KCTD8: variants seen among roughly 807,000 people sequenced by gnomAD.
KCTD8 encodes BTB/POZ domain-containing protein KCTD8.
A neutral mutation model predicts 31.5 loss-of-function variants in KCTD8; 27 were observed. That is an observed-to-expected ratio of 0.86 (90% CI 0.63 to 1.18). The LOEUF (loss-of-function observed/expected upper bound fraction) is 1.18. KCTD8 is among the 50% of genes most tolerant of loss of function. KCTD8 has a pLI of 0.00. For synonymous variants in KCTD8, 290 were observed against 280.0 expected, an observed-to-expected ratio of 1.04 and a Z score of -0.36; for missense variants, 658 against 647.7, an observed-to-expected ratio of 1.02 and a Z score of -0.17.
chr4:44,186,919 G>A (rs977387796), intron 1 of KCTD8, among the ~76,000 whole-genome samples: 3 of 152,160 alleles, frequency 2.0e-5, no homozygotes, highest in Non-Finnish European at 4.4e-5. Flanking sequence ...TATTCCTAGA[G>A]AAGTTTCTTT....
At chr4:44,332,450 A>T (rs940874819) in intron 1 of KCTD8, among the ~76,000 whole-genome samples, 2 of 151,968 alleles carry the variant, frequency 1.3e-5, no homozygotes, top group African/African-American at 4.8e-5. Context: ...TACAAATTTC[A>T]GTCTTTACAC....
At chr4:44,382,724 C>A (rs1720102842) in intron 1 of KCTD8, among the ~76,000 whole-genome samples, 1 of 124,158 alleles carries the variant, frequency 8.1e-6, no homozygotes. Context: ...GAGTGAAACT[C>A]CATTTCAAAA....
chr4:44,285,735 C>G (rs943864653), intron 1 of KCTD8, among the ~76,000 whole-genome samples: 1 of 151,920 alleles, frequency 6.6e-6, no homozygotes, highest in Non-Finnish European at 1.5e-5. Flanking sequence ...ATTCTGTAGC[C>G]CATAGATCAA....
rs1289055876 is a variant in KCTD8 at position 44,331,807 on chromosome 4, T to C, written c.961+115756A>G. 3.3e-5 allele frequency among the ~76,000 whole-genome samples: 5 copies of C among 149,466 alleles called. No homozygotes were observed. The South Asian group carries it at 6.3e-4, about 19-fold the overall frequency. ...ATCCACATCTCTCTCTGTGTGTATA[T>C]ATATATAAATTCATATATATGAAAA... On this transcript the variant is annotated intron_variant, in intron 1 of 1. Coordinates refer to ENST00000360029, the MANE Select transcript of KCTD8 (RefSeq NM_198353.3).
At chr4:44,249,419 T>C (rs1490752065) in intron 1 of KCTD8, among the ~76,000 whole-genome samples, 2 of 151,824 alleles carry the variant, frequency 1.3e-5, no homozygotes. Flanking sequence ...GAAAAGTACA[T>C]ATTGTACTCT....
At chr4:44,446,653 C>G (rs1430667259) in intron 1 of KCTD8, among the ~76,000 whole-genome samples, 1 of 152,184 alleles carries the variant, frequency 6.6e-6, no homozygotes, top group Non-Finnish European at 1.5e-5. Context: ...TTTCCCAAAT[C>G]TATTCCTTCA....
intron 1 of KCTD8, among the ~76,000 whole-genome samples, chr4:44,266,797 A>C (rs1448006001): frequency 1.3e-5 from 2 of 152,188 alleles, no homozygotes; most frequent in African/African-American, 4.8e-5. Context: ...GAGACAAAGA[A>C]GGCCATTACA....
At position 44,241,887 on chromosome 4, in the gene KCTD8, C is replaced by A. The variant is rs983911487; in HGVS notation, c.962-66637G>T. Among the ~76,000 whole-genome samples, 12 of 152,210 alleles carry A rather than the reference C, an allele frequency of 7.9e-5. 1 individual carries two copies. Among genetic ancestry groups the A allele is most frequent in the Admixed American group, 2.0e-4 (3 of 15,278 alleles). On this transcript the variant is annotated intron_variant, in intron 1 of 1. Transcript: ENST00000360029. The stretch of plus-strand genomic sequence containing the variant: ...GGAATGGACACAAAATACCTGCCTG[C>A]TCTTTATTGCTATAATAATAAATAT...
Position 44,442,774 on chromosome 4 carries a change from T to TACACACGTATACACACACACAC in KCTD8, c.961+4788_961+4789insGTGTGTGTGTGTATACGTGTGT, listed in dbSNP as rs10938342. On this transcript the variant is annotated intron_variant, in intron 1 of 1. Transcript: ENST00000360029. ...AAGAGGCTTTTTCTTAACTAAGGTA[T>TACACACGTATACACACACACAC]ACACACACACACACACACACACACA... 4.7e-3 allele frequency among the ~76,000 whole-genome samples: 695 copies of TACACACGTATACACACACACAC among 147,330 alleles called. 7 individuals are homozygous for TACACACGTATACACACACACAC. Among genetic ancestry groups the TACACACGTATACACACACACAC allele is most frequent in the African/African-American group, 0.016 (635 of 39,788 alleles).
chr4:44,348,508 CTGTTTT>C (rs1450822627), intron 1 of KCTD8, among the ~76,000 whole-genome samples: 1 of 152,104 alleles, frequency 6.6e-6, no homozygotes. Flanking sequence ...CCTTCAGTTT[CTGTTTT>C]TTTGATCAAT....
rs533148038 is a variant in KCTD8 at position 44,417,876 on chromosome 4, A to G, written c.961+29687T>C. ...TTTTTCATGAAACTACACAAGTCTC[A>G]TGAACTACCAACATAATCTCACTGA... On this transcript the variant is annotated intron_variant, in intron 1 of 1. Transcript: ENST00000360029. Among the ~76,000 whole-genome samples the G allele has an allele frequency of 2.1e-4, 23 of 110,554 alleles. No individual in the cohort carries two copies. The Admixed American group carries it at 2.2e-3, about 10-fold the overall frequency. The allele number at this position is 110,554 out of a possible 152,430, so 72.5% of individuals were successfully genotyped here. A position where few individuals can be genotyped will look rare whatever the true frequency, so the allele number is the denominator to read the frequency against.
intron 1 of KCTD8, among the ~76,000 whole-genome samples, chr4:44,376,444 C>A (rs1719918478): frequency 6.6e-6 from 1 of 152,146 alleles, no homozygotes; most frequent in Admixed American, 6.5e-5. Context: ...ACAGTTTCAC[C>A]AGAGAGTAAT....
At chr4:44,407,389 C>A (rs1432082286) in intron 1 of KCTD8, among the ~76,000 whole-genome samples, 2 of 140,978 alleles carry the variant, frequency 1.4e-5, no homozygotes, top group South Asian at 2.2e-4. Flanking sequence ...CTCTTTTTTT[C>A]TTTTTTTTTT....
In KCTD8 at chr4:44,419,485, C is replaced by A. The variant is rs571258866; in HGVS notation, c.961+28078G>T. 1.4e-4 allele frequency among the ~76,000 whole-genome samples: 22 copies of A among 152,244 alleles called. No individual in the cohort carries two copies. In the East Asian group the frequency reaches 4.3e-3, roughly 29 times the overall value. ...GAATAGTGTGACTTCTAGAAAGGAA[C>A]CTTCTATGGGGTACATGTGCCACAT... On this transcript the variant is annotated intron_variant, in intron 1 of 1. Transcript: ENST00000360029.
At chr4:44,271,930 C>A (rs1206436104) in intron 1 of KCTD8, among the ~76,000 whole-genome samples, 2 of 151,900 alleles carry the variant, frequency 1.3e-5, no homozygotes, top group Non-Finnish European at 2.9e-5. Context: ...TGTCTTTAAT[C>A]CTCTAGTGCC....
intron 1 of KCTD8, among the ~76,000 whole-genome samples, chr4:44,312,883 G>A (rs1298885812): frequency 6.6e-6 from 1 of 152,104 alleles, no homozygotes; most frequent in African/African-American, 2.4e-5. Context: ...GGTCCTTCCA[G>A]CTTTGAAGGA....
At chr4:44,349,951 G>C (rs1208755068) in intron 1 of KCTD8, among the ~76,000 whole-genome samples, 1 of 152,124 alleles carries the variant, frequency 6.6e-6, no homozygotes, top group Non-Finnish European at 1.5e-5. Flanking sequence ...GAACACTTCA[G>C]AGCTAGAGAG....
At chr4:44,288,589 C>T (rs183273380) in intron 1 of KCTD8, among the ~76,000 whole-genome samples, 1 of 151,964 alleles carries the variant, frequency 6.6e-6, no homozygotes, top group Admixed American at 6.6e-5. Flanking sequence ...ACATTGGATG[C>T]CTATTCTGTA....
chr4:44,347,129 C>T (rs994807939), intron 1 of KCTD8, among the ~76,000 whole-genome samples: 1 of 152,202 alleles, frequency 6.6e-6, no homozygotes, highest in East Asian at 1.9e-4. Flanking sequence ...TAATTCCAGA[C>T]CTTCTTAAAG....
Sources: gnomAD v4.1 joint callset for allele counts (sites outside exome capture counted in the v4.1 genomes callset) on GRCh38, gnomAD v4.1.1 for gene constraint, MANE v1.5 for transcripts, NCBI Gene and HGNC (gene_info 2026-07-23, HGNC 2026-07-21) for gene names.